The following DOCK4 variants were observed in gnomAD, a reference collection of about 807,000 sequenced individuals.
The protein encoded by DOCK4 is dedicator of cytokinesis 4.
A neutral mutation model predicts 268.1 loss-of-function variants in DOCK4; 97 were observed. That is an observed-to-expected ratio of 0.36 (90% confidence interval 0.31 to 0.43). The LOEUF is 0.43. Among genes scored for constraint, DOCK4 ranks in the 20% least tolerant of loss-of-function variants. The pLI is 1.00. For synonymous variants in DOCK4, 954 were observed against 887.2 expected (o/e 1.08, Z -1.34); for missense variants, 2,145 against 2,455.7 (o/e 0.87, Z 2.67).
intron 1 of DOCK4, among the ~76,000 whole-genome samples, chr7:112,141,569 C>T (rs1411568579): frequency 6.6e-6 from 1 of 152,124 alleles, no homozygotes; most frequent in Non-Finnish European, 1.5e-5. Flanking sequence ...AACTCCTGCC[C>T]AAGGATTTCC....
chr7:111,846,083 C>T (rs983152342), intron 24 of DOCK4, among the ~76,000 whole-genome samples: 3 of 152,120 alleles, frequency 2.0e-5, no homozygotes, highest in African/African-American at 7.2e-5. Flanking sequence ...TTTCTCTCAA[C>T]TGCCAACTCT....
intron 1 of DOCK4, among the ~76,000 whole-genome samples, chr7:112,184,980 G>C (rs1386631823): frequency 6.6e-6 from 1 of 152,148 alleles, no homozygotes; most frequent in East Asian, 1.9e-4. Flanking sequence ...TAATTGCATG[G>C]TAGATAAACA....
chr7:111,916,984 T>TG (rs1245203510), intron 12 of DOCK4, among the ~76,000 whole-genome samples: 6 of 88,802 alleles, frequency 6.8e-5, no homozygotes, highest in Non-Finnish European at 1.3e-4. Context: ...CCCCATGTTT[T>TG]TTTTTTTTTT....
chr7:111,903,288 T>A (rs1459982014), intron 13 of DOCK4, among the ~76,000 whole-genome samples: 1 of 152,106 alleles, frequency 6.6e-6, no homozygotes, highest in African/African-American at 2.4e-5. Context: ...ACTGGGTAAG[T>A]TCTAAAAAGA....
intron 1 of DOCK4, among the ~76,000 whole-genome samples, chr7:112,198,530 C>T (rs1355636621): frequency 6.6e-6 from 1 of 152,186 alleles, no homozygotes; most frequent in Non-Finnish European, 1.5e-5. Context: ...CCACACTTCA[C>T]CATGACAATG....
Position 111,742,274 on chromosome 7 carries a change from C to T in DOCK4, c.4678-142G>A, listed in dbSNP as rs977050673. The stretch of plus-strand genomic sequence containing the variant: ...TCTGACAAGGTAGGAACAGCTGTCA[C>T]TTTACAGGTGAAGAAAAACTGAGGA... On this transcript the variant is annotated intron_variant, in intron 44 of 52. Coordinates refer to ENST00000428084, the MANE Select transcript of DOCK4 (RefSeq NM_001363540.2). 5 of 796,694 alleles carry T rather than the reference C, an allele frequency of 6.3e-6. No homozygotes were observed. In the African/African-American group the frequency reaches 7.2e-5, roughly 11 times the overall value. 49.4% of individuals were successfully genotyped at this position (796,694 alleles called of 1,614,324 possible).
chr7:112,124,849 C>T (rs10429266), intron 1 of DOCK4, among the ~76,000 whole-genome samples: 3,172 of 152,206 alleles, frequency 0.021, 107 homozygotes, highest in African/African-American at 0.072. Context: ...TTTTTAACCA[C>T]CTTCCTAACA....
chr7:111,933,313 T>TG (rs71147497), intron 12 of DOCK4, among the ~76,000 whole-genome samples: 2 of 139,778 alleles, frequency 1.4e-5, no homozygotes, highest in Non-Finnish European at 3.1e-5. Flanking sequence ...TTTTTTTTTT[T>TG]GAGATGGAGT....
At chr7:112,036,255 T>C (rs898501922) in intron 1 of DOCK4, among the ~76,000 whole-genome samples, 5 of 152,076 alleles carry the variant, frequency 3.3e-5, no homozygotes, top group African/African-American at 1.2e-4. Flanking sequence ...GATGAAAATT[T>C]GGATAAACAA....
rs1196894123 is a variant in DOCK4, at chr7:111,728,677, G to A, written c.5525C>T (p.Ser1842Leu). Residue 1842 changes from serine to leucine, a missense_variant, in exon 53 of 53, where the codon TCG (serine) becomes TTG (leucine). Physicochemically the swap from Ser to Leu is moderately radical, Grantham distance 145. Coordinates refer to ENST00000428084, the MANE Select transcript of DOCK4 (RefSeq NM_001363540.2). The part of the protein sequence containing the change: ...SFTPSPVEYH[S>L]PGLISNSPVL... Reference sequence around the variant, plus strand: ...AGGGGAGTTGGAGATGAGTCCTGGCGAGTGGTACTCCACTGGAGAGGGGGT... The same window carrying A: ...AGGGGAGTTGGAGATGAGTCCTGGCAAGTGGTACTCCACTGGAGAGGGGGT... The A allele has an allele frequency of 3.7e-6, 6 of 1,613,670 alleles. No homozygotes were observed. The African/African-American group carries it at 5.3e-5, about 14-fold the overall frequency.
intron 1 of DOCK4, among the ~76,000 whole-genome samples, chr7:112,004,630 C>T (rs990303830): frequency 6.6e-6 from 1 of 152,184 alleles, no homozygotes; most frequent in Non-Finnish European, 1.5e-5. Flanking sequence ...AGAGAAGGGA[C>T]TGCATCCATT....
At chr7:112,035,612 TAG>T (rs1335399739) in intron 1 of DOCK4, among the ~76,000 whole-genome samples, 1 of 151,398 alleles carries the variant, frequency 6.6e-6, no homozygotes, top group East Asian at 1.9e-4. Context: ...TGGCATGGAG[TAG>T]AGAGAGAATC....
chr7:111,823,204 CTTTTTTT>C (rs917904625), intron 26 of DOCK4, among the ~76,000 whole-genome samples: 7 of 116,282 alleles, frequency 6.0e-5, no homozygotes, highest in South Asian at 2.7e-4. Flanking sequence ...GGAAATATTA[CTTTTTTT>C]TTTTTTTTTT....
At chr7:112,158,150 ATGGC>A (rs1704081702) in intron 1 of DOCK4, among the ~76,000 whole-genome samples, 1 of 152,310 alleles carries the variant, frequency 6.6e-6, no homozygotes, top group Admixed American at 6.5e-5. Flanking sequence ...GTAAGAACAG[ATGGC>A]TGAGCTGCAC....
intron 38 of DOCK4, among the ~76,000 whole-genome samples, chr7:111,766,464 T>C (rs1268958207): frequency 6.6e-6 from 1 of 152,124 alleles, no homozygotes; most frequent in Admixed American, 6.6e-5. Context: ...AGTAAGGACT[T>C]GGAGGGCAAG....
At chr7:112,138,500 A>G (rs540030881) in intron 1 of DOCK4, among the ~76,000 whole-genome samples, 60 of 152,320 alleles carry the variant, frequency 3.9e-4, no homozygotes, top group African/African-American at 1.4e-3. Flanking sequence ...AAATTTTTAC[A>G]ATTTACATAT....
chr7:112,039,927 G>A (rs1488417154), intron 1 of DOCK4, among the ~76,000 whole-genome samples: 1 of 152,018 alleles, frequency 6.6e-6, no homozygotes, highest in Non-Finnish European at 1.5e-5. Context: ...TAAGTTTTCA[G>A]ACCCTACCAT....
chr7:111,803,030 A>G (rs1016239488), intron 30 of DOCK4, among the ~76,000 whole-genome samples: 1 of 152,246 alleles, frequency 6.6e-6, no homozygotes, highest in African/African-American at 2.4e-5. Context: ...TAAATTAATT[A>G]AAAACCCAGC....
chr7:111,808,709 T>G, intron 30 of DOCK4, 112 bp downstream of exon 30: 1 of 1,055,200 alleles, frequency 9.5e-7, no homozygotes, highest in Non-Finnish European at 1.4e-6. Flanking sequence ...TTTATTGATT[T>G]AGACATTTGG....
Sources: allele counts gnomAD v4.1 joint callset (sites outside exome capture counted in the v4.1 genomes callset), GRCh38; gene constraint gnomAD v4.1.1; transcripts MANE v1.5; gene names NCBI Gene and HGNC (gene_info 2026-07-23, HGNC 2026-07-21).